The following CNTNAP2 variants were observed in gnomAD, a reference collection of about 807,000 sequenced individuals.
The protein encoded by CNTNAP2 is contactin-associated protein-like 2.
CNTNAP2 carries 98 observed loss-of-function variants against 155.2 expected under a neutral mutation model. The observed-to-expected ratio is 0.63, with a 90% CI of 0.54 to 0.75. The LOEUF (loss-of-function observed/expected upper bound fraction) is 0.75, where lower values mean the gene tolerates loss of function less well. CNTNAP2 is among the 30% of genes least tolerant of loss of function. The pLI, the probability that CNTNAP2 is intolerant of heterozygous loss-of-function variation, is 0.00. For synonymous variants in CNTNAP2, 651 were observed against 631.2 expected (o/e 1.03, Z -0.47); for missense variants, 1,727 against 1,688.1 (o/e 1.02, Z -0.40).
chr7:147,018,960 A>G (rs1165477319), intron 3 of CNTNAP2, among the ~76,000 whole-genome samples: 2 of 152,112 alleles, frequency 1.3e-5, no homozygotes, highest in Non-Finnish European at 2.9e-5. Context: ...TAGCTGCCCA[A>G]GATGATCTAG....
At position 148,365,315 on chromosome 7, in the gene CNTNAP2, C is replaced by T. The variant is rs548601466; in HGVS notation, c.3476-18334C>T. 2.0e-5 allele frequency among the ~76,000 whole-genome samples: 3 copies of T among 152,234 alleles called. No individual in the cohort carries two copies. In the East Asian group the frequency reaches 5.8e-4, roughly 29 times the overall value. ...TTGCTCAACTAGTTTTTGAGCTCAT[C>T]CTGAAAAAAGTAGCTTTTTTGTCTT... On this transcript the variant is annotated intron_variant, in intron 21 of 23. Coordinates refer to ENST00000361727, the MANE Select transcript of CNTNAP2 (RefSeq NM_014141.6).
At chr7:147,503,036 A>G (rs929375981) in intron 11 of CNTNAP2, among the ~76,000 whole-genome samples, 21 of 152,278 alleles carry the variant, frequency 1.4e-4, no homozygotes, top group African/African-American at 5.1e-4. Flanking sequence ...GCTGCCATTA[A>G]TAAATAACCA....
chr7:146,627,362 G>T (rs1585013642), intron 1 of CNTNAP2, among the ~76,000 whole-genome samples: 1 of 152,122 alleles, frequency 6.6e-6, no homozygotes, highest in African/African-American at 2.4e-5. Flanking sequence ...TATGCATTAT[G>T]TATGAAAATA....
At chr7:148,289,861 T>C (rs528826430) in intron 21 of CNTNAP2, among the ~76,000 whole-genome samples, 262 of 152,362 alleles carry the variant, frequency 1.7e-3, no homozygotes, top group African/African-American at 6.0e-3. Context: ...ATGTCATCAA[T>C]AGAAACTCTG....
intron 2 of CNTNAP2, among the ~76,000 whole-genome samples, chr7:146,825,657 A>G (rs1351520795): frequency 6.6e-6 from 1 of 152,190 alleles, no homozygotes; most frequent in East Asian, 1.9e-4. Flanking sequence ...TACAAATATG[A>G]AAAGTGGAGA....
intron 18 of CNTNAP2, among the ~76,000 whole-genome samples, chr7:148,185,690 AC>A (rs1354659230): frequency 6.6e-6 from 1 of 152,230 alleles, no homozygotes; most frequent in Non-Finnish European, 1.5e-5. Context: ...CTAAAGCTTT[AC>A]TATTGAAGTA....
At chr7:146,359,964 A>G (rs1260993368) in intron 1 of CNTNAP2, among the ~76,000 whole-genome samples, 2 of 152,130 alleles carry the variant, frequency 1.3e-5, no homozygotes, top group African/African-American at 4.8e-5. Flanking sequence ...AATCTGAAAA[A>G]ACTTCTCTTT....
intron 8 of CNTNAP2, among the ~76,000 whole-genome samples, chr7:147,204,035 G>T (rs1027724371): frequency 6.6e-6 from 1 of 151,812 alleles, no homozygotes; most frequent in South Asian, 2.1e-4. Flanking sequence ...GTAATGTAAA[G>T]CTCTTAACTT....
chr7:147,295,580 C>G (rs531669372), intron 8 of CNTNAP2, among the ~76,000 whole-genome samples: 1 of 152,062 alleles, frequency 6.6e-6, no homozygotes, highest in Admixed American at 6.6e-5. Context: ...GAGCTTAGAA[C>G]TTTATACTAT....
At chr7:147,441,094 A>T (rs549547896) in intron 10 of CNTNAP2, among the ~76,000 whole-genome samples, 3 of 152,144 alleles carry the variant, frequency 2.0e-5, no homozygotes, top group African/African-American at 7.2e-5. Context: ...AAGGCCAATA[A>T]GTCTTAGATT....
intron 1 of CNTNAP2, among the ~76,000 whole-genome samples, chr7:146,317,738 G>A (rs141008742): frequency 2.2e-4 from 33 of 152,296 alleles, no homozygotes; most frequent in African/African-American, 7.7e-4. Context: ...GAAAGAATAC[G>A]CAGAAGTTCA....
chr7:147,825,645 A>G (rs977079294), intron 13 of CNTNAP2, among the ~76,000 whole-genome samples: 23 of 152,348 alleles, frequency 1.5e-4, no homozygotes, highest in South Asian at 1.2e-3. Context: ...GTCTGCAAAC[A>G]CTGGGATAAT....
At chr7:148,210,845 A>G (rs758945865) in intron 18 of CNTNAP2, among the ~76,000 whole-genome samples, 1 of 152,258 alleles carries the variant, frequency 6.6e-6, no homozygotes, top group African/African-American at 2.4e-5. Flanking sequence ...CAAACAGAAT[A>G]AAAAATTCAG....
chr7:147,235,333 G>T (rs1423457127), intron 8 of CNTNAP2, among the ~76,000 whole-genome samples: 1 of 138,788 alleles, frequency 7.2e-6, no homozygotes, highest in Non-Finnish European at 1.6e-5. Flanking sequence ...TTTTTATAGA[G>T]ATGGAGTTTT....
intron 16 of CNTNAP2, among the ~76,000 whole-genome samples, chr7:148,135,269 G>C (rs1411578040): frequency 6.6e-6 from 1 of 152,116 alleles, no homozygotes; most frequent in Non-Finnish European, 1.5e-5. Context: ...CCTACATGGG[G>C]CATGATTAGA....
At chr7:146,774,229 CGTT>C (rs1430970370) in intron 1 of CNTNAP2, 39 bp from the exon 2 acceptor site, 3 of 1,413,504 alleles carry the variant, frequency 2.1e-6, no homozygotes, top group Non-Finnish European at 3.0e-6. Context: ...ATTTCGAAAT[CGTT>C]GTTGAGTGTC....
intron 1 of CNTNAP2, among the ~76,000 whole-genome samples, chr7:146,716,238 G>T (rs965719500): frequency 6.1e-5 from 9 of 147,016 alleles, no homozygotes; most frequent in South Asian, 2.2e-4. Flanking sequence ...AAAAAGGCAT[G>T]TTTTGGGGTC....
intron 1 of CNTNAP2, among the ~76,000 whole-genome samples, chr7:146,327,861 A>C (rs1801122116): frequency 6.6e-6 from 1 of 152,266 alleles, no homozygotes; most frequent in South Asian, 2.1e-4. Flanking sequence ...GGACATTAAC[A>C]TAAGGAGAAC....
At chr7:147,061,347 T>C (rs1799666192) in intron 4 of CNTNAP2, among the ~76,000 whole-genome samples, 1 of 152,232 alleles carries the variant, frequency 6.6e-6, no homozygotes, top group South Asian at 2.1e-4. Context: ...ATAATTTGCT[T>C]TAAATATCAT....
Sources: gnomAD v4.1 joint callset for allele counts (sites outside exome capture counted in the v4.1 genomes callset) on GRCh38, gnomAD v4.1.1 for gene constraint, MANE v1.5 for transcripts, NCBI Gene and HGNC (gene_info 2026-07-23, HGNC 2026-07-21) for gene names.